NEU3: variants seen among roughly 807,000 people sequenced by gnomAD.
The protein encoded by NEU3 is sialidase-3.
In NEU3, 10 loss-of-function variants were observed where a neutral mutation model predicts 11.4. The ratio of observed to expected loss-of-function variants is 0.88; its 90% CI spans 0.54 to 1.49. The LOEUF is 1.49. Ranked by LOEUF, NEU3 falls within the 40% of genes most tolerant of loss-of-function variation. The probability of loss-of-function intolerance (pLI) is 0.00; values close to 1 mark genes in which losing one functional copy is unlikely to be tolerated. For missense variants in NEU3, 529 were observed against 581.8 expected (o/e 0.91, Z 0.93); for synonymous variants, 212 against 228.2 (o/e 0.93, Z 0.64).
rs1948697860 is a variant in NEU3 at position 74,988,941 on chromosome 11, C to A, written c.-120C>A. On this transcript the variant is annotated 5_prime_UTR_variant, in exon 1 of 3. Coordinates refer to ENST00000294064, the MANE Select transcript of NEU3 (RefSeq NM_006656.6). ...CGTTACCTGTTTCCGGCAGTCGACA[C>A]GCTCTTCGCTTCTCGGGGCTTGTCT... 3 of 775,362 alleles carry A rather than the reference C, an allele frequency of 3.9e-6. No homozygotes were observed. Among genetic ancestry groups the A allele is most frequent in the Non-Finnish European group, 6.3e-6 (3 of 476,478 alleles). The allele number at this position is 775,362 out of a possible 1,614,324, so 48.0% of individuals were successfully genotyped here. A position where few individuals can be genotyped will look rare whatever the true frequency, so the allele number is the denominator to read the frequency against.
chr11:74,992,330 A>G (rs540723948), intron 1 of NEU3, among the ~76,000 whole-genome samples: 1 of 152,050 alleles, frequency 6.6e-6, no homozygotes, highest in Non-Finnish European at 1.5e-5. Flanking sequence ...TGTTTCCCTC[A>G]CTTGGATTGG....
At chr11:74,987,670 G>A (rs1239017569), upstream of NEU3, among the ~76,000 whole-genome samples, 1 of 151,954 alleles carries the variant, frequency 6.6e-6, no homozygotes, top group African/African-American at 2.4e-5. Context: ...AAAATTAGCC[G>A]GGCGTGGTGG....
chr11:75,018,649 C>T (rs1420256405), intron 3 of NEU3: 1 of 152,152 alleles, frequency 6.6e-6, no homozygotes, highest in African/African-American at 2.4e-5. Context: ...TAATAAAATC[C>T]CCTTTGTATA....
upstream of NEU3, among the ~76,000 whole-genome samples, chr11:74,985,447 G>C (rs1262082515): frequency 2.0e-5 from 3 of 152,224 alleles, no homozygotes; most frequent in African/African-American, 7.2e-5. Context: ...GATATATAGA[G>C]ACATATATGG....
In NEU3 at chr11:75,009,093, G is replaced by A. The variant is rs1409831078; in HGVS notation, c.*2601G>A. 6.6e-6 allele frequency: 1 copy of A among 152,292 alleles called. No homozygotes were observed. Among genetic ancestry groups the A allele is most frequent in the African/African-American group, 2.4e-5 (1 of 41,450 alleles). 9.4% of individuals were successfully genotyped at this position (152,292 alleles called of 1,614,324 possible). A position where few individuals can be genotyped will look rare whatever the true frequency, so the allele number is the denominator to read the frequency against. On this transcript the variant is annotated 3_prime_UTR_variant, in exon 3 of 3. Transcript: ENST00000294064. ...AGGAATAGTAAGAAAAGGGGGTTGGGAACAGGGGAAATCCAGAATAAAGAC... is the reference window on the plus strand; with the variant it reads ...AGGAATAGTAAGAAAAGGGGGTTGGAAACAGGGGAAATCCAGAATAAAGAC...
At chr11:74,985,847 G>A (rs1591746769), upstream of NEU3, among the ~76,000 whole-genome samples, 1 of 152,294 alleles carries the variant, frequency 6.6e-6, no homozygotes, top group East Asian at 1.9e-4. Context: ...TTGAGGTTTG[G>A]TCATGTGGGC....
intron 2 of NEU3, among the ~76,000 whole-genome samples, chr11:74,997,520 G>A (rs1036822370): frequency 2.0e-5 from 3 of 152,034 alleles, no homozygotes; most frequent in Admixed American, 6.5e-5. Flanking sequence ...TATCATTCCT[G>A]TATTCACTGG....
Position 75,008,825 on chromosome 11 carries a change from A to C in NEU3, c.*2333A>C, listed in dbSNP as rs1948926993. Reference sequence around the variant, plus strand: ...TGCCTCGGCCTCCCAAAGTGCTGGGAATACAGGCATGAGCTACTGCGCCCA... The same window carrying C: ...TGCCTCGGCCTCCCAAAGTGCTGGGCATACAGGCATGAGCTACTGCGCCCA... On this transcript the variant is annotated 3_prime_UTR_variant, in exon 3 of 3. Transcript: ENST00000294064. The C allele has an allele frequency of 6.6e-6, 1 of 151,950 alleles. No homozygotes were observed. The highest frequency in any genetic ancestry group is 6.6e-5 in the Admixed American group (1 of 15,250). The allele number at this position is 151,950 out of a possible 1,614,324, so 9.4% of individuals were successfully genotyped here.
chr11:75,005,553 G>A lies in NEU3; in HGVS notation c.447G>A (p.Gln149=), dbSNP rs78682547. The A allele has an allele frequency of 1.3e-3, 2,170 of 1,614,000 alleles. No individual in the cohort carries two copies. Among genetic ancestry groups the A allele is most frequent in the Non-Finnish European group, 1.7e-3 (2,022 of 1,179,898 alleles). ...CVRGHVTERQ[Q]IVSGRNAARL... is the part of the protein sequence containing the mutation. ...GGGGCCATGTCACAGAGCGTCAACA[G>A]ATTGTGTCAGGCAGGAATGCTGCCC... The change falls in exon 3 of 3, where the codon CAG becomes CAA. Residue 149 remains glutamine (Q), a synonymous_variant. Coordinates refer to ENST00000294064, the MANE Select transcript of NEU3 (RefSeq NM_006656.6).
intron 2 of NEU3, 104 bp from the exon 3 acceptor site, chr11:75,005,309 C>A: frequency 8.2e-7 from 1 of 1,223,130 alleles, no homozygotes; most frequent in Non-Finnish European, 1.1e-6. Context: ...TTATAGATTT[C>A]AATATCATTT....
upstream of NEU3, among the ~76,000 whole-genome samples, chr11:74,987,540 G>C (rs1268303337): frequency 6.6e-6 from 1 of 152,078 alleles, no homozygotes; most frequent in Non-Finnish European, 1.5e-5. Context: ...ATTGCCAGGC[G>C]CGGTGGCTCA....
intron 2 of NEU3, among the ~76,000 whole-genome samples, chr11:75,001,333 G>C (rs1193028966): frequency 6.8e-6 from 1 of 147,326 alleles, no homozygotes; most frequent in East Asian, 2.0e-4. Flanking sequence ...CCAGGCTGGA[G>C]TACAGTGGTC....
downstream of NEU3, among the ~76,000 whole-genome samples, chr11:75,019,855 G>A (rs1948996223): frequency 6.6e-6 from 1 of 152,162 alleles, no homozygotes; most frequent in Non-Finnish European, 1.5e-5. Context: ...TGAGAAGAGG[G>A]CCACTGTCCT....
chr11:74,988,579 T>G, upstream of NEU3: 1 of 164,752 alleles, frequency 6.1e-6, no homozygotes, highest in African/African-American at 2.4e-5. Flanking sequence ...CTCTGGTCCT[T>G]TTTGTAGGGT....
chr11:74,987,505 A>G (rs2140228563), upstream of NEU3, among the ~76,000 whole-genome samples: 1 of 152,184 alleles, frequency 6.6e-6, no homozygotes, highest in South Asian at 2.1e-4. Flanking sequence ...TCCTTTGGGG[A>G]CAAAATAGTA....
At chr11:75,002,744 G>T (rs1948858425) in intron 2 of NEU3, among the ~76,000 whole-genome samples, 1 of 152,144 alleles carries the variant, frequency 6.6e-6, no homozygotes, top group Non-Finnish European at 1.5e-5. Context: ...TTCTCTTATG[G>T]CCCCACCCTC....
Position 74,989,164 on chromosome 11 carries a change from G to C in NEU3, c.94+10G>C. ...CCGGGGTCCAGTGCAGGTGAGCGGG[G>C]TTGGGAGACAGGAGAGCTCCCCGAG... is the stretch of plus-strand genomic sequence containing the variant. On this transcript the variant is annotated intron_variant, in intron 1 of 2. Transcript: ENST00000294064. The C allele has an allele frequency of 6.5e-7, 1 of 1,549,544 alleles. No individual in the cohort carries two copies. The highest frequency in any genetic ancestry group is 8.7e-7 in the Non-Finnish European group (1 of 1,145,482).
At chr11:75,002,431 A>T (rs1948855336) in intron 2 of NEU3, among the ~76,000 whole-genome samples, 1 of 152,220 alleles carries the variant, frequency 6.6e-6, no homozygotes, top group Admixed American at 6.5e-5. Context: ...GTATAAAAAG[A>T]TATATATCTC....
chr11:74,999,294 G>C (rs2030915182), intron 2 of NEU3, among the ~76,000 whole-genome samples: 1 of 152,148 alleles, frequency 6.6e-6, no homozygotes, highest in African/African-American at 2.4e-5. Flanking sequence ...CTACAGGCAG[G>C]TGCCACTGAG....
Sources: gnomAD v4.1 joint callset for allele counts (sites outside exome capture counted in the v4.1 genomes callset) on GRCh38, gnomAD v4.1.1 for gene constraint, MANE v1.5 for transcripts, NCBI Gene and HGNC (gene_info 2026-07-23, HGNC 2026-07-21) for gene names.